USP9X: variants seen among roughly 807,000 people sequenced by gnomAD.
USP9X encodes the protein ubiquitin specific peptidase 9 X-linked, also known as ubiquitin carboxyl-terminal hydrolase 9X.
A neutral mutation model predicts 190.3 loss-of-function variants in USP9X; 7 were observed. That is an observed-to-expected ratio of 0.04 (90% CI 0.02 to 0.07). The LOEUF is 0.07. USP9X is among the 10% of genes least tolerant of loss of function. The probability of loss-of-function intolerance (pLI) is 1.00; values close to 1 mark genes in which losing one functional copy is unlikely to be tolerated. For missense variants in USP9X, 1,010 were observed against 1,916.9 expected, an observed-to-expected ratio of 0.53 and a Z score of 8.83; for synonymous variants, 645 against 659.5, an observed-to-expected ratio of 0.98 and a Z score of 0.34.
At chrX:41,220,943 C>CAAA (rs773698592) in intron 38 of USP9X, among the ~76,000 whole-genome samples, 1 of 54,742 alleles carries the variant, frequency 1.8e-5, no homozygotes, top group Non-Finnish European at 3.5e-5. Flanking sequence ...GACTCCGTCT[C>CAAA]AAAAAAAAAA....
At chrX:41,129,286 G>C (rs1340116913) in intron 3 of USP9X, 141 bp downstream of exon 3, 28 of 614,312 alleles carry the variant, frequency 4.6e-5, no homozygotes, top group Non-Finnish European at 6.2e-5. Context: ...GAAAGGGAGT[G>C]ACAGTGTTAG....
intron 44 of USP9X, among the ~76,000 whole-genome samples, chrX:41,231,206 G>C (rs2284111): frequency 0.14 from 15,395 of 111,109 alleles, 979 homozygotes; most frequent in East Asian, 0.22. Context: ...CCCTGGAAGG[G>C]TTGCTCCAGC....
chrX:41,101,349 G>A (rs952104004), intron 1 of USP9X, among the ~76,000 whole-genome samples: 4 of 109,480 alleles, frequency 3.7e-5, no homozygotes, highest in Admixed American at 2.0e-4. Flanking sequence ...GGAGGCTTAG[G>A]CGGGTGGATC....
chrX:41,095,504 G>T (rs2061983591), intron 1 of USP9X, among the ~76,000 whole-genome samples: 1 of 112,362 alleles, frequency 8.9e-6, no homozygotes, highest in Non-Finnish European at 1.9e-5. Flanking sequence ...ATTGCCAGTT[G>T]TGCCCTGGGG....
At chrX:41,230,738 G>A in intron 44 of USP9X, 142 bp downstream of exon 44, 2 of 503,242 alleles carry the variant, frequency 4.0e-6, no homozygotes, top group South Asian at 8.0e-5. Flanking sequence ...ATCCAGAAGA[G>A]GGATGGTTTG....
At position 41,086,032 on chromosome X, in the gene USP9X, C is replaced by T. The variant is rs1484687027; in HGVS notation, c.-236C>T. On this transcript the variant is annotated 5_prime_UTR_variant, in exon 1 of 45. Transcript: ENST00000378308. ...GGATGCACCCAGGGTAGGTCTCGTCCCGGGACCGAGCCCCACCGTCGCCTG... is the reference window on the plus strand; with the variant it reads ...GGATGCACCCAGGGTAGGTCTCGTCTCGGGACCGAGCCCCACCGTCGCCTG... The T allele has an allele frequency of 2.4e-5, 7 of 296,010 alleles. No individual in the cohort carries two copies. Among genetic ancestry groups the T allele is most frequent in the Non-Finnish European group, 3.5e-5 (6 of 169,943 alleles). 24.4% of individuals were successfully genotyped at this position (296,010 alleles called of 1,213,427 possible).
intron 14 of USP9X, among the ~76,000 whole-genome samples, chrX:41,156,192 A>C (rs147731812): frequency 8.1e-4 from 91 of 112,140 alleles, no homozygotes; most frequent in African/African-American, 2.8e-3. Context: ...GAAAACACTC[A>C]AGAAAATCTA....
chrX:41,100,707 C>T (rs1427240389), intron 1 of USP9X, among the ~76,000 whole-genome samples: 1 of 111,066 alleles, frequency 9.0e-6, no homozygotes, highest in African/African-American at 3.3e-5. Context: ...AGTGCAATGG[C>T]GTGATCTCAG....
intron 31 of USP9X, among the ~76,000 whole-genome samples, chrX:41,202,152 T>C (rs2267491): frequency 0.14 from 15,292 of 111,912 alleles, 926 homozygotes; most frequent in East Asian, 0.22. Context: ...CCAATTTCAC[T>C]GTGTGTGCTT....
intron 2 of USP9X, among the ~76,000 whole-genome samples, chrX:41,125,733 C>T (rs1207880436): frequency 8.4e-5 from 9 of 106,894 alleles, no homozygotes; most frequent in African/African-American, 6.9e-5. Flanking sequence ...CACGCGCGCG[C>T]GCTCTCTCTC....
chrX:41,205,869 T>C (rs2147214607), intron 32 of USP9X, among the ~76,000 whole-genome samples: 1 of 95,549 alleles, frequency 1.0e-5, no homozygotes, highest in South Asian at 4.5e-4. Context: ...TTTTTTTTCT[T>C]TTTTTCTTTT....
intron 1 of USP9X, among the ~76,000 whole-genome samples, chrX:41,118,006 C>T (rs780422643): frequency 3.6e-4 from 40 of 110,263 alleles, no homozygotes; most frequent in Non-Finnish European, 5.9e-4. Context: ...TACAGGTGTG[C>T]GCCACCACGC....
chrX:41,229,969 G>A (rs2063345748), intron 43 of USP9X, 190 bp downstream of exon 43: 2 of 735,555 alleles, frequency 2.7e-6, no homozygotes, highest in Admixed American at 8.1e-5. Context: ...GGGAGGCCGA[G>A]GCAGGCGGAT....
At chrX:41,158,736 G>A (rs923934908) in intron 14 of USP9X, among the ~76,000 whole-genome samples, 5 of 111,274 alleles carry the variant, frequency 4.5e-5, no homozygotes, top group African/African-American at 1.6e-4. Flanking sequence ...GGACTGGGGG[G>A]TGGGGGGCTC....
chrX:41,133,477 A>G (rs953892524), intron 4 of USP9X, among the ~76,000 whole-genome samples: 2 of 111,835 alleles, frequency 1.8e-5, no homozygotes, highest in African/African-American at 6.5e-5. Context: ...TACCTCAAGC[A>G]TTTATCCTTT....
chrX:41,130,035 A>G (rs183848650), intron 3 of USP9X, among the ~76,000 whole-genome samples: 52 of 111,757 alleles, frequency 4.7e-4, no homozygotes, highest in African/African-American at 1.7e-3. Flanking sequence ...TCCCCCTTAC[A>G]TACACATATT....
intron 2 of USP9X, 131 bp downstream of exon 2, chrX:41,123,855 C>A: frequency 1.7e-6 from 1 of 577,142 alleles, no homozygotes; most frequent in Non-Finnish European, 2.7e-6. Context: ...CCAGCCTGGT[C>A]AACAGGGTGG....
intron 33 of USP9X, among the ~76,000 whole-genome samples, chrX:41,212,072 T>C: frequency 8.9e-6 from 1 of 112,629 alleles, no homozygotes; most frequent in Admixed American, 9.3e-5. Flanking sequence ...CGTGTCTGTG[T>C]AGAAAGAGGT....
intron 4 of USP9X, among the ~76,000 whole-genome samples, chrX:41,132,295 ATTTTTTTT>A (rs11356870): frequency 1.3e-4 from 7 of 54,567 alleles, no homozygotes; most frequent in African/African-American, 5.5e-4. Flanking sequence ...ATGCCCACTA[ATTTTTTTT>A]TTTTTTTTTT....
Sources: allele counts gnomAD v4.1 joint callset (sites outside exome capture counted in the v4.1 genomes callset), GRCh38; gene constraint gnomAD v4.1.1; transcripts MANE v1.5; gene names NCBI Gene and HGNC (gene_info 2026-07-23, HGNC 2026-07-21).